The following THSD7B variants were observed in gnomAD, a reference collection of about 807,000 sequenced individuals.
THSD7B encodes thrombospondin type-1 domain-containing protein 7B.
Under a neutral mutation model 213.6 loss-of-function variants are expected in THSD7B, and 138 were observed. The observed-to-expected ratio is 0.65, with a 90% confidence interval of 0.56 to 0.74. THSD7B has a LOEUF of 0.74. Ranked by LOEUF, THSD7B falls within the 30% of genes least tolerant of loss-of-function variation. The pLI is 0.00. For missense variants in THSD7B, 1,931 were observed against 1,991.5 expected, an observed-to-expected ratio of 0.97 and a Z score of 0.58; for synonymous variants, 742 against 687.0, an observed-to-expected ratio of 1.08 and a Z score of -1.25.
At chr2:137,071,268 G>C (rs58312263) in intron 3 of THSD7B, among the ~76,000 whole-genome samples, 14,787 of 151,910 alleles carry the variant, frequency 0.097, 984 homozygotes, top group African/African-American at 0.19. Flanking sequence ...ACTGGTGTGA[G>C]ATGGTGTTGT....
At chr2:136,807,099 A>G (rs1682295187) in intron 1 of THSD7B, among the ~76,000 whole-genome samples, 1 of 152,160 alleles carries the variant, frequency 6.6e-6, no homozygotes. Context: ...TGGCTAGGGT[A>G]GTGCTGGGAG....
intron 15 of THSD7B, among the ~76,000 whole-genome samples, chr2:137,457,662 A>G (rs1416589428): frequency 6.6e-6 from 1 of 152,206 alleles, no homozygotes; most frequent in Non-Finnish European, 1.5e-5. Flanking sequence ...GAAAAACATT[A>G]CAACCTGCTT....
chr2:137,454,416 GTCTGTCTGTCTA>G (rs879474225), intron 15 of THSD7B, among the ~76,000 whole-genome samples: 4 of 125,686 alleles, frequency 3.2e-5, no homozygotes, highest in African/African-American at 9.1e-5. Context: ...CTGTCTGTCT[GTCTGTCTGTCTA>G]TCTATCTATC....
At chr2:136,906,702 A>G (rs895607436) in intron 2 of THSD7B, 8 of 152,162 alleles carry the variant, frequency 5.3e-5, no homozygotes, top group Non-Finnish European at 1.2e-4. Context: ...CTGCATGAAG[A>G]ATGGAAGAGG....
intron 15 of THSD7B, among the ~76,000 whole-genome samples, chr2:137,530,141 G>A (rs1056850944): frequency 2.0e-5 from 3 of 151,984 alleles, no homozygotes; most frequent in Non-Finnish European, 4.4e-5. Flanking sequence ...TGAGATGTGC[G>A]TGCCTCATTG....
At chr2:137,421,653 C>G (rs1319789561) in intron 14 of THSD7B, among the ~76,000 whole-genome samples, 2 of 152,112 alleles carry the variant, frequency 1.3e-5, no homozygotes, top group African/African-American at 4.8e-5. Flanking sequence ...TTCATGAAGT[C>G]AGCATTCCTT....
At chr2:137,491,579 G>C (rs181435076) in intron 15 of THSD7B, among the ~76,000 whole-genome samples, 10 of 152,316 alleles carry the variant, frequency 6.6e-5, no homozygotes, top group Admixed American at 1.3e-4. Flanking sequence ...CCGTCATCAT[G>C]TGGAGAGAGG....
intron 19 of THSD7B, among the ~76,000 whole-genome samples, chr2:137,620,255 G>A (rs565781779): frequency 6.6e-6 from 1 of 152,106 alleles, no homozygotes; most frequent in Non-Finnish European, 1.5e-5. Context: ...TGTACTTTTG[G>A]CCTATTCAGA....
chr2:137,610,471 C>T (rs987864982), intron 17 of THSD7B, among the ~76,000 whole-genome samples: 4 of 152,132 alleles, frequency 2.6e-5, no homozygotes, highest in Admixed American at 6.6e-5. Flanking sequence ...GTACCCCCTT[C>T]GGTTCTACTT....
chr2:137,155,266 A>G (rs1679891412), intron 5 of THSD7B, among the ~76,000 whole-genome samples: 1 of 152,166 alleles, frequency 6.6e-6, no homozygotes. Flanking sequence ...AAGACCTTGG[A>G]TAATTGCTTA....
chr2:136,851,048 G>A (rs1380607044), intron 1 of THSD7B, among the ~76,000 whole-genome samples: 3 of 151,794 alleles, frequency 2.0e-5, no homozygotes, highest in Non-Finnish European at 4.4e-5. Context: ...CTATTATTCT[G>A]GTCATCTCAC....
At chr2:136,896,328 A>C (rs1384625275) in intron 2 of THSD7B, among the ~76,000 whole-genome samples, 1 of 152,102 alleles carries the variant, frequency 6.6e-6, no homozygotes, top group Non-Finnish European at 1.5e-5. Flanking sequence ...ATATCTTTGA[A>C]AGTATTAGCC....
At chr2:137,440,825 G>A (rs1687393199) in intron 14 of THSD7B, among the ~76,000 whole-genome samples, 1 of 152,014 alleles carries the variant, frequency 6.6e-6, no homozygotes, top group Non-Finnish European at 1.5e-5. Flanking sequence ...AGTTTCTTTA[G>A]GAACCCTGGG....
intron 12 of THSD7B, among the ~76,000 whole-genome samples, chr2:137,398,902 A>G (rs1420354572): frequency 1.3e-5 from 2 of 152,136 alleles, no homozygotes; most frequent in Non-Finnish European, 2.9e-5. Context: ...AAAGCGCAAT[A>G]TTCGGGTGGG....
chr2:137,143,178 C>T (rs1282588827), intron 5 of THSD7B, among the ~76,000 whole-genome samples: 1 of 152,132 alleles, frequency 6.6e-6, no homozygotes. Flanking sequence ...TTTCTCAACA[C>T]GTGCCTGATC....
intron 10 of THSD7B, among the ~76,000 whole-genome samples, chr2:137,246,683 TATC>T (rs978844657): frequency 6.6e-6 from 1 of 152,206 alleles, no homozygotes; most frequent in Admixed American, 6.5e-5. Flanking sequence ...ACCAAAGGTC[TATC>T]AAGCTTTGGC....
At chr2:137,623,654 C>T (rs1000784511) in intron 20 of THSD7B, among the ~76,000 whole-genome samples, 1 of 152,060 alleles carries the variant, frequency 6.6e-6, no homozygotes, top group Non-Finnish European at 1.5e-5. Context: ...AATCAATGTG[C>T]AAAAATCACA....
intron 14 of THSD7B, among the ~76,000 whole-genome samples, chr2:137,413,563 A>T (rs891486196): frequency 6.6e-6 from 1 of 152,236 alleles, no homozygotes; most frequent in African/African-American, 2.4e-5. Context: ...AGGCAGATGT[A>T]CAAAGCACAT....
At chr2:137,552,429 G>A in intron 15 of THSD7B, among the ~76,000 whole-genome samples, 1 of 152,180 alleles carries the variant, frequency 6.6e-6, no homozygotes, top group African/African-American at 2.4e-5. Flanking sequence ...CAGTGTGAGT[G>A]TGGGCATTAG....
Sources: gnomAD v4.1 joint callset for allele counts (sites outside exome capture counted in the v4.1 genomes callset) on GRCh38, gnomAD v4.1.1 for gene constraint, MANE v1.5 for transcripts, NCBI Gene and HGNC (gene_info 2026-07-23, HGNC 2026-07-21) for gene names.